Variants in PCDH15 observed in about 807,000 individuals in gnomAD.
PCDH15 encodes protocadherin related 15.
In PCDH15, 129 loss-of-function variants were observed where a neutral mutation model predicts 178.5. The ratio of observed to expected loss-of-function variants is 0.72; its 90% CI spans 0.63 to 0.84. The LOEUF is 0.84. Ranked by LOEUF, PCDH15 falls within the 40% of genes least tolerant of loss-of-function variation. The probability of loss-of-function intolerance (pLI) is 0.00; values close to 1 mark genes in which losing one functional copy is unlikely to be tolerated. For missense variants in PCDH15, 2,230 were observed against 2,099.9 expected (o/e 1.06, Z -1.21); for synonymous variants, 800 against 732.0 (o/e 1.09, Z -1.50).
intron 26 of PCDH15, among the ~76,000 whole-genome samples, chr10:53,900,352 T>A (rs568346292): frequency 6.5e-4 from 99 of 152,178 alleles, no homozygotes; most frequent in South Asian, 1.2e-3. Context: ...CTAGTCTGAA[T>A]TACCCACTGA....
In PCDH15 at chr10:55,177,621, C is replaced by T. The variant is rs143024511; in HGVS notation, c.-155-10970G>A. Reference sequence around the variant, plus strand: ...TTATACCCTACATAATGTGGCAGGACTGCTGTCTTCCATGAGGAGTCTCCA... The same window carrying T: ...TTATACCCTACATAATGTGGCAGGATTGCTGTCTTCCATGAGGAGTCTCCA... On this transcript the variant is annotated intron_variant, in intron 1 of 5. Transcript: ENST00000458638. Among the ~76,000 whole-genome samples the T allele has an allele frequency of 3.0e-3, 459 of 152,294 alleles. 5 individuals are homozygous for T. Among genetic ancestry groups the T allele is most frequent in the African/African-American group, 0.01 (425 of 41,564 alleles).
At chr10:54,872,350 T>C (rs1954054474) in intron 3 of PCDH15, among the ~76,000 whole-genome samples, 1 of 152,068 alleles carries the variant, frequency 6.6e-6, no homozygotes. Flanking sequence ...AGAAACATTC[T>C]GAAAATAAAG....
At chr10:55,257,918 T>G (rs920406727) in intron 1 of PCDH15, among the ~76,000 whole-genome samples, 2 of 152,102 alleles carry the variant, frequency 1.3e-5, no homozygotes, top group African/African-American at 4.8e-5. Flanking sequence ...AGACACATAA[T>G]TGTCAGATTC....
chr10:55,128,917 A>C (rs1324011890), intron 2 of PCDH15, among the ~76,000 whole-genome samples: 1 of 152,138 alleles, frequency 6.6e-6, no homozygotes, highest in Non-Finnish European at 1.5e-5. Context: ...CAGTAAATAC[A>C]GAACTCCTGG....
intron 2 of PCDH15, among the ~76,000 whole-genome samples, chr10:55,383,503 C>G (rs775299879): frequency 1.3e-5 from 2 of 152,102 alleles, no homozygotes; most frequent in African/African-American, 4.8e-5. Context: ...GGGGAACCAT[C>G]CTCTTTTACC....
chr10:55,597,879 C>A (rs1564473427), intron 2 of PCDH15, among the ~76,000 whole-genome samples: 1 of 151,906 alleles, frequency 6.6e-6, no homozygotes, highest in South Asian at 2.1e-4. Context: ...TCCGCAAAAC[C>A]CCATAAACAT....
chr10:55,434,082 T>TTC (rs1554867897), intron 2 of PCDH15, among the ~76,000 whole-genome samples: 32 of 126,632 alleles, frequency 2.5e-4, no homozygotes, highest in African/African-American at 1.0e-3. Flanking sequence ...CTTTTCTTTT[T>TTC]TTTTTTTTTT....
At chr10:54,671,122 T>C (rs2094659628) in intron 1 of PCDH15, among the ~76,000 whole-genome samples, 1 of 152,142 alleles carries the variant, frequency 6.6e-6, no homozygotes, top group Admixed American at 6.5e-5. Flanking sequence ...CATTATTTCA[T>C]CAGTGGAGTG....
At chr10:54,599,425 T>C (rs1332542977) in intron 2 of PCDH15, among the ~76,000 whole-genome samples, 1 of 152,114 alleles carries the variant, frequency 6.6e-6, no homozygotes, top group African/African-American at 2.4e-5. Flanking sequence ...CCCTATTCAA[T>C]AAATTGTGCT....
At chr10:54,074,548 A>G (rs955507343) in intron 17 of PCDH15, among the ~76,000 whole-genome samples, 3 of 152,200 alleles carry the variant, frequency 2.0e-5, no homozygotes, top group African/African-American at 7.2e-5. Context: ...GCCGAATGAT[A>G]TTTCATTATA....
intron 1 of PCDH15, among the ~76,000 whole-genome samples, chr10:54,739,178 G>T (rs1258422583): frequency 6.6e-6 from 1 of 151,530 alleles, no homozygotes; most frequent in Admixed American, 6.6e-5. Context: ...AAAACCTAAG[G>T]ATTCCACTAG....
intron 2 of PCDH15, among the ~76,000 whole-genome samples, chr10:54,603,612 T>C (rs2134122745): frequency 6.6e-6 from 1 of 151,996 alleles, no homozygotes; most frequent in South Asian, 2.1e-4. Flanking sequence ...CCAGGGCTTA[T>C]ATACTATAGG....
At position 53,840,303 on chromosome 10, in the gene PCDH15, T is replaced by A. The variant is rs765694798; in HGVS notation, c.3983+17A>T. The A allele has an allele frequency of 5.6e-6, 9 of 1,612,322 alleles. No homozygotes were observed. Among genetic ancestry groups the A allele is most frequent in the Non-Finnish European group, 7.6e-6 (9 of 1,178,322 alleles). On this transcript the variant is annotated intron_variant, in intron 29 of 37. Transcript: ENST00000644397. Reference sequence around the variant, plus strand: ...ATTGTAACCAAAGAGCTGTTACAGATAACAAAAAGCACTTACTTAAAAAGC... The same window carrying A: ...ATTGTAACCAAAGAGCTGTTACAGAAAACAAAAAGCACTTACTTAAAAAGC...
intron 1 of PCDH15, among the ~76,000 whole-genome samples, chr10:54,719,323 G>T (rs2095517405): frequency 6.6e-6 from 1 of 151,966 alleles, no homozygotes; most frequent in African/African-American, 2.4e-5. Context: ...AATTAACAAA[G>T]AGTTTTTTTA....
intron 2 of PCDH15, among the ~76,000 whole-genome samples, chr10:55,354,638 T>G (rs979713945): frequency 6.6e-6 from 1 of 152,104 alleles, no homozygotes; most frequent in African/African-American, 2.4e-5. Context: ...ACTTACTGAC[T>G]TAACATTCAT....
At chr10:53,933,350 G>A (rs1252609934) in intron 25 of PCDH15, among the ~76,000 whole-genome samples, 3 of 123,798 alleles carry the variant, frequency 2.4e-5, no homozygotes, top group Admixed American at 1.8e-4. Flanking sequence ...ACAGTCCCCC[G>A]TGTGTGATGT....
chr10:54,362,664 A>G (rs1181209763), intron 5 of PCDH15, among the ~76,000 whole-genome samples: 1 of 151,986 alleles, frequency 6.6e-6, no homozygotes, highest in Non-Finnish European at 1.5e-5. Context: ...GTCTAGAAAA[A>G]CCTTTCAACG....
chr10:53,952,525 T>C (rs2087170253), intron 23 of PCDH15, among the ~76,000 whole-genome samples: 1 of 152,138 alleles, frequency 6.6e-6, no homozygotes, highest in Non-Finnish European at 1.5e-5. Flanking sequence ...GATTGGTCCA[T>C]GGGCAGCCAT....
Position 53,806,505 on chromosome 10 carries a change from C to A in PCDH15, c.*74G>T. The A allele has an allele frequency of 1.6e-6, 2 of 1,245,132 alleles. No homozygotes were observed. Among genetic ancestry groups the A allele is most frequent in the East Asian group, 2.6e-5 (1 of 39,210 alleles). 77.1% of individuals were successfully genotyped at this position (1,245,132 alleles called of 1,614,324 possible). ...TGATATAAATTCCATACATTGTTTT[C>A]TCAGTGACAATAAAAAGCACAGTTT... On this transcript the variant is annotated 3_prime_UTR_variant, in exon 38 of 38. Transcript: ENST00000644397.
Sources: gnomAD v4.1 joint callset for allele counts (sites outside exome capture counted in the v4.1 genomes callset) on GRCh38, gnomAD v4.1.1 for gene constraint, MANE v1.5 for transcripts, NCBI Gene and HGNC (gene_info 2026-07-23, HGNC 2026-07-21) for gene names.